The following MORC2 variants were observed in gnomAD, a reference collection of about 807,000 sequenced individuals.
MORC2 encodes ATPase MORC2.
A neutral mutation model predicts 136.0 loss-of-function variants in MORC2; 30 were observed. The observed-to-expected ratio is 0.22, with a 90% CI of 0.17 to 0.30. MORC2 has a LOEUF of 0.30. Ranked by LOEUF, MORC2 falls within the 10% of genes least tolerant of loss-of-function variation. MORC2 has a pLI of 1.00. For missense variants in MORC2, 922 were observed against 1,333.1 expected (o/e 0.69, Z 4.80); for synonymous variants, 439 against 487.0 (o/e 0.90, Z 1.30).
intron 2 of MORC2, 149 bp from the exon 3 acceptor site, chr22:30,956,946 T>G (rs2040975467): frequency 3.3e-6 from 2 of 605,566 alleles, no homozygotes; most frequent in Non-Finnish European, 2.7e-6. Flanking sequence ...TTTTTTTTAC[T>G]TTTATACTTG....
chr22:30,951,792 A>C (rs1056658946), intron 3 of MORC2, among the ~76,000 whole-genome samples: 6 of 152,128 alleles, frequency 3.9e-5, no homozygotes, highest in Non-Finnish European at 7.4e-5. Context: ...AGACTTATTA[A>C]TGTAAATTAA....
chr22:30,960,378 T>C (rs2041025603), intron 1 of MORC2, among the ~76,000 whole-genome samples: 1 of 150,758 alleles, frequency 6.6e-6, no homozygotes, highest in African/African-American at 2.4e-5. Context: ...GCACGACAAA[T>C]ATGTTATAAC....
At chr22:30,946,660 A>C in intron 5 of MORC2, among the ~76,000 whole-genome samples, 1 of 149,798 alleles carries the variant, frequency 6.7e-6, no homozygotes, top group Non-Finnish European at 1.5e-5. Context: ...CAGGCCTGTA[A>C]CTCCTTAGTC....
chr22:30,935,306 C>A lies in MORC2; in HGVS notation c.1754G>T (p.Arg585Leu). ...LEALQKTTPI[R>L]SQADLKKLPL... ...CAATTTCTTCAGGTCTGCTTGGGAG[C>A]GGATGGGTGTGGTTTTCTGCAAGGC... Residue 585 changes from arginine (R) to leucine (L), a missense_variant, in exon 18 of 26, where the codon CGC (arginine) becomes CTC (leucine). Arg to Leu is a moderately radical substitution (Grantham distance 102). Coordinates refer to ENST00000397641, the MANE Select transcript of MORC2 (RefSeq NM_001303256.3). 1.2e-6 allele frequency: 2 copies of A among 1,613,566 alleles called. No individual in the cohort carries two copies. The highest frequency in any genetic ancestry group is 1.7e-6 in the Non-Finnish European group (2 of 1,179,844).
At chr22:30,942,512 T>C (rs1441908487) in intron 6 of MORC2, among the ~76,000 whole-genome samples, 1 of 152,222 alleles carries the variant, frequency 6.6e-6, no homozygotes, top group African/African-American at 2.4e-5. Context: ...GGTCTCTGCA[T>C]GAGAAGTTCC....
At chr22:30,927,679 A>G (rs1406507343) in intron 25 of MORC2, among the ~76,000 whole-genome samples, 1 of 152,230 alleles carries the variant, frequency 6.6e-6, no homozygotes, top group Non-Finnish European at 1.5e-5. Flanking sequence ...GCCTGGATGA[A>G]GGGCCAACAG....
chr22:30,928,765 T>C (rs1313775497), intron 24 of MORC2, among the ~76,000 whole-genome samples: 1 of 152,206 alleles, frequency 6.6e-6, no homozygotes, highest in Non-Finnish European at 1.5e-5. Flanking sequence ...AAACAAGCAG[T>C]TTTTCTAGTG....
At position 30,944,951 on chromosome 22, in the gene MORC2, GATA is replaced by G. The variant is rs759598670; in HGVS notation, c.426+1387_426+1389del. Among the ~76,000 whole-genome samples, 246 of 152,326 alleles carry G rather than the reference GATA, an allele frequency of 1.6e-3. 2 individuals are homozygous for G. The highest frequency in any genetic ancestry group is 2.8e-3 in the Non-Finnish European group (188 of 68,036). ...TACATGGACCTTCTTAAAAGAATCT[GATA>G]CTGGCACATCCTTGCTTAATAAAGC... On this transcript the variant is annotated intron_variant, in intron 6 of 25. Transcript: ENST00000397641.
At chr22:30,963,388 CTT>C (rs34402075) in intron 1 of MORC2, 1,719 of 690,024 alleles carry the variant, frequency 2.5e-3, no homozygotes, top group Non-Finnish European at 2.8e-3. Flanking sequence ...CTGATTATGG[CTT>C]TTTTTTTTTT....
chr22:30,967,355 G>GA, intron 1 of MORC2: 1 of 987,178 alleles, frequency 1.0e-6, no homozygotes, highest in South Asian at 4.6e-5. Context: ...GCCAACTTCT[G>GA]AAAAAATAAA....
chr22:30,960,926 C>T (rs1293019236), intron 1 of MORC2, among the ~76,000 whole-genome samples: 3 of 139,066 alleles, frequency 2.2e-5, no homozygotes, highest in Non-Finnish European at 3.2e-5. Flanking sequence ...GTGCAAGCGG[C>T]GCAATCTCGG....
chr22:30,926,885 G>C lies in MORC2; in HGVS notation c.3031-14C>G, dbSNP rs759206879. 1 of 1,611,192 alleles carries C rather than the reference G, an allele frequency of 6.2e-7. No individual in the cohort carries two copies. The highest frequency in any genetic ancestry group is 8.5e-7 in the Non-Finnish European group (1 of 1,178,018). Reference sequence around the variant, plus strand: ...GATGTCTATGTCCTGGAATAGAGCAGGGTAGGGATCAACTGGGGGCCAGAA... The same window carrying C: ...GATGTCTATGTCCTGGAATAGAGCACGGTAGGGATCAACTGGGGGCCAGAA... On this transcript the variant is annotated splice_polypyrimidine_tract_variant and intron_variant, in intron 25 of 25. Transcript: ENST00000397641.
chr22:30,929,019 C>T (rs989582745), intron 24 of MORC2, among the ~76,000 whole-genome samples: 1 of 152,222 alleles, frequency 6.6e-6, no homozygotes, highest in African/African-American at 2.4e-5. Context: ...GTGTTTACTT[C>T]TGTAAAGATG....
intron 1 of MORC2, among the ~76,000 whole-genome samples, chr22:30,964,123 C>T (rs565130895): frequency 2.0e-5 from 3 of 152,160 alleles, no homozygotes; most frequent in Admixed American, 1.3e-4. Flanking sequence ...TTTGGGAGGC[C>T]GAGGCAGGCG....
intron 3 of MORC2, among the ~76,000 whole-genome samples, chr22:30,955,903 G>C (rs1205307403): frequency 2.0e-5 from 3 of 151,686 alleles, no homozygotes; most frequent in African/African-American, 7.3e-5. Flanking sequence ...CCAGCTACTT[G>C]GGAGTCTGAG....
chr22:30,934,637 A>G lies in MORC2; in HGVS notation c.2193+144T>C. On this transcript the variant is annotated intron_variant, in intron 19 of 25. Coordinates refer to ENST00000397641, the MANE Select transcript of MORC2 (RefSeq NM_001303256.3). This position sits in a 1 kb window ranked among gnomAD's most constrained non-coding sequence, Gnocchi z 4.4. Reference sequence around the variant, plus strand: ...GCCCCAACAAGTCCGTTCAGCTATCAAGGCTTCCCGTCCTCAGGGGCAGCA... The same window carrying G: ...GCCCCAACAAGTCCGTTCAGCTATCGAGGCTTCCCGTCCTCAGGGGCAGCA... 1 of 1,225,062 alleles carries G rather than the reference A, an allele frequency of 8.2e-7. No individual in the cohort carries two copies. 75.9% of individuals were successfully genotyped at this position (1,225,062 alleles called of 1,614,324 possible).
chr22:30,962,605 A>C (rs1457026203), intron 1 of MORC2, among the ~76,000 whole-genome samples: 2 of 151,928 alleles, frequency 1.3e-5, no homozygotes, highest in Non-Finnish European at 1.5e-5. Flanking sequence ...AAAAAAAAAA[A>C]AAAAAACTAA....
rs142840638 is a variant in MORC2 at position 30,934,157 on chromosome 22, G to T, written c.2228C>A (p.Ser743Tyr). ...TPSRKRSVAV[S>Y]DEEEVEEEAE... ...TTCCTCCTCAACTTCTTCCTCATCA[G>T]AAACTGCGACACTCCGCTTCCGACT... The change falls in exon 20 of 26, where the codon TCT becomes TAT. Residue 743 changes from serine to tyrosine, a missense_variant. Physicochemically the swap from Ser to Tyr is moderately radical, Grantham distance 144. This residue lies in a region of MORC2 where 263 missense variants were observed against 388.3 expected (regional missense o/e 0.68). Transcript: ENST00000397641. The surrounding 1 kb of genome is among the most constrained non-coding windows in gnomAD (Gnocchi z 4.4). 1.6e-5 allele frequency: 26 copies of T among 1,613,978 alleles called. No individual in the cohort carries two copies. The highest frequency in any genetic ancestry group is 1.9e-5 in the Non-Finnish European group (23 of 1,180,038).
chr22:30,929,790 A>G (rs1168075862), intron 24 of MORC2: 1 of 152,180 alleles, frequency 6.6e-6, no homozygotes, highest in East Asian at 1.9e-4. Flanking sequence ...GTGATTTTAG[A>G]CATTACAATT....
Sources: gnomAD v4.1 joint callset for allele counts (sites outside exome capture counted in the v4.1 genomes callset) on GRCh38, gnomAD v4.1.1 for gene constraint, gnomAD v4.1.1 regional missense constraint, Gnocchi (gnomAD v3.1) non-coding constraint, MANE v1.5 for transcripts, NCBI Gene and HGNC (gene_info 2026-07-23, HGNC 2026-07-21) for gene names.